ATAD2B: variants seen among roughly 807,000 people sequenced by gnomAD.
ATAD2B encodes the protein ATPase family AAA domain-containing protein 2B.
A neutral mutation model predicts 167.6 loss-of-function variants in ATAD2B; 40 were observed. The observed-to-expected ratio is 0.24, with a 90% CI of 0.19 to 0.31. The LOEUF (loss-of-function observed/expected upper bound fraction) is 0.31, where lower values mean the gene tolerates loss of function less well. Ranked by LOEUF, ATAD2B falls within the 10% of genes least tolerant of loss-of-function variation. The probability of loss-of-function intolerance (pLI) is 1.00; values close to 1 mark genes in which losing one functional copy is unlikely to be tolerated. For missense variants in ATAD2B, 1,242 were observed against 1,757.2 expected, an observed-to-expected ratio of 0.71 and a Z score of 5.24; for synonymous variants, 579 against 596.5, an observed-to-expected ratio of 0.97 and a Z score of 0.43.
chr2:23,703,989 C>A, the ATAD2B span: 2 of 1,102,378 alleles, frequency 1.8e-6, no homozygotes, highest in South Asian at 1.6e-5. Flanking sequence ...TGGCCCTCCC[C>A]CTCCAACCAC....
At chr2:23,828,781 A>T (rs1465110061) in intron 15 of ATAD2B, 68 bp downstream of exon 15, 17 of 993,310 alleles carry the variant, frequency 1.7e-5, no homozygotes, top group Non-Finnish European at 2.5e-5. Context: ...TCACATTCCA[A>T]ATAAGGGGAA....
the ATAD2B span, among the ~76,000 whole-genome samples, chr2:23,728,979 G>C: frequency 6.6e-6 from 1 of 152,158 alleles, no homozygotes; most frequent in Non-Finnish European, 1.5e-5. Context: ...GGAAGGTGAA[G>C]GGGAAGCAGG....
At chr2:23,771,691 T>A (rs1331294803) in intron 22 of ATAD2B, among the ~76,000 whole-genome samples, 2 of 152,220 alleles carry the variant, frequency 1.3e-5, no homozygotes, top group African/African-American at 4.8e-5. Flanking sequence ...TACCTTTTTA[T>A]GATTCCATTT....
At position 23,810,312 on chromosome 2, in the gene ATAD2B, C is replaced by G; in HGVS notation, c.2454+4G>C. 6.2e-7 allele frequency: 1 copy of G among 1,611,536 alleles called. No individual in the cohort carries two copies. ...GGAAGTGCTCTGATGTGGTACAAACCTACCTGTGCACATGATTCCTCAGGT... is the reference window on the plus strand; with the variant it reads ...GGAAGTGCTCTGATGTGGTACAAACGTACCTGTGCACATGATTCCTCAGGT... On this transcript the variant is annotated splice_donor_region_variant and intron_variant, in intron 18 of 27. Coordinates refer to ENST00000238789, the MANE Select transcript of ATAD2B (RefSeq NM_017552.4).
At chr2:23,903,940 TG>T (rs1321220877) in intron 1 of ATAD2B, among the ~76,000 whole-genome samples, 1 of 123,898 alleles carries the variant, frequency 8.1e-6, no homozygotes, top group South Asian at 2.6e-4. Context: ...CGGTTGTTGT[TG>T]GTGGTGGTGG....
chr2:23,697,856 G>A, the ATAD2B span: 10 of 152,146 alleles, frequency 6.6e-5, no homozygotes, highest in East Asian at 9.6e-4. Context: ...TGGAAGCATC[G>A]GCTTCCGATC....
the ATAD2B span, among the ~76,000 whole-genome samples, chr2:23,693,789 G>A: frequency 3.3e-5 from 5 of 152,328 alleles, no homozygotes; most frequent in South Asian, 1.0e-3. Context: ...CCCTGAGCCA[G>A]GGGGCTCTGG....
chr2:23,706,948 C>T, the ATAD2B span: 5 of 299,228 alleles, frequency 1.7e-5, no homozygotes, highest in South Asian at 1.0e-4. Context: ...TAGAGTTTCA[C>T]GTATTTTTCA....
intron 21 of ATAD2B, 84 bp downstream of exon 21, chr2:23,785,943 T>A: frequency 7.7e-7 from 1 of 1,303,586 alleles, no homozygotes; most frequent in Non-Finnish European, 1.0e-6. Flanking sequence ...TGCCTTTGCT[T>A]TTTTTTCCTT....
chr2:23,693,528 G>A, the ATAD2B span: 1 of 1,548,658 alleles, frequency 6.5e-7, no homozygotes, highest in Non-Finnish European at 8.7e-7. Flanking sequence ...CACGCACACA[G>A]GTGGGGCCTG....
chr2:23,899,674 T>C (rs1015276903), intron 1 of ATAD2B, among the ~76,000 whole-genome samples: 32 of 152,142 alleles, frequency 2.1e-4, no homozygotes, highest in Admixed American at 1.8e-3. Flanking sequence ...CACTGCAAGC[T>C]CCGCCTCCTG....
chr2:23,818,538 AGAG>A (rs891117021), intron 17 of ATAD2B, among the ~76,000 whole-genome samples: 1 of 152,178 alleles, frequency 6.6e-6, no homozygotes, highest in Non-Finnish European at 1.5e-5. Context: ...GAAGAAAAAA[AGAG>A]GAGATGAAAG....
Position 23,875,916 on chromosome 2 carries a change from G to C in ATAD2B, c.902-12C>G. ...TTGATGAGCTGGTACTAAAAGGGAA[G>C]AAAAGGATAATAGAGAAATAACTAA... On this transcript the variant is annotated splice_polypyrimidine_tract_variant and intron_variant, in intron 7 of 27. Transcript: ENST00000238789. 2 of 1,563,028 alleles carry C rather than the reference G, an allele frequency of 1.3e-6. No individual in the cohort carries two copies.
chr2:23,847,450 A>T (rs938680649), intron 13 of ATAD2B, among the ~76,000 whole-genome samples: 1 of 151,908 alleles, frequency 6.6e-6, no homozygotes, highest in Non-Finnish European at 1.5e-5. Context: ...GGTTGCCATG[A>T]GCAGAGATTG....
chr2:23,793,655 A>G (rs114783189), intron 19 of ATAD2B, among the ~76,000 whole-genome samples: 4,397 of 152,348 alleles, frequency 0.029, 86 homozygotes, highest in South Asian at 0.074. Flanking sequence ...GGCAAGGGTT[A>G]CTTAAATCCT....
At chr2:23,856,188 CAAAA>C (rs571662550) in intron 13 of ATAD2B, 27 of 73,552 alleles carry the variant, frequency 3.7e-4, no homozygotes, top group South Asian at 2.5e-3. Flanking sequence ...GACTCCATCT[CAAAA>C]AAAAAAAAAA....
At chr2:23,698,540 A>C in the ATAD2B span, among the ~76,000 whole-genome samples, 1 of 148,772 alleles carries the variant, frequency 6.7e-6, no homozygotes, top group Non-Finnish European at 1.5e-5. Flanking sequence ...TATTATATTG[A>C]TAATGAATGA....
chr2:23,747,523 G>T (rs533398909), downstream of ATAD2B, among the ~76,000 whole-genome samples: 4 of 152,054 alleles, frequency 2.6e-5, no homozygotes, highest in East Asian at 7.7e-4. Context: ...CAAATATAAT[G>T]CCAACTTTCT....
At chr2:23,792,771 G>T (rs1313890620) in intron 19 of ATAD2B, among the ~76,000 whole-genome samples, 1 of 151,516 alleles carries the variant, frequency 6.6e-6, no homozygotes, top group East Asian at 1.9e-4. Context: ...GACCATACTG[G>T]CTAACACAGT....
Sources: allele counts gnomAD v4.1 joint callset (sites outside exome capture counted in the v4.1 genomes callset), GRCh38; gene constraint gnomAD v4.1.1; transcripts MANE v1.5; gene names NCBI Gene and HGNC (gene_info 2026-07-23, HGNC 2026-07-21).